The following EBF2 variants were observed in gnomAD, a reference collection of about 807,000 sequenced individuals.
The protein encoded by EBF2 is transcription factor COE2.
A neutral mutation model predicts 72.8 loss-of-function variants in EBF2; 21 were observed. The observed-to-expected ratio is 0.29, with a 90% CI of 0.20 to 0.42. EBF2 has a LOEUF of 0.42. Among genes scored for constraint, EBF2 ranks in the 10% least tolerant of loss-of-function variants. EBF2 has a pLI of 1.00. For synonymous variants in EBF2, 299 were observed against 274.2 expected (o/e 1.09, Z -0.89); for missense variants, 637 against 731.2 (o/e 0.87, Z 1.49).
At chr8:25,913,056 C>A in intron 6 of EBF2, among the ~76,000 whole-genome samples, 1 of 152,150 alleles carries the variant, frequency 6.6e-6, no homozygotes, top group Admixed American at 6.5e-5. Flanking sequence ...AAACCCAGCA[C>A]AATATTTCTC....
At chr8:25,965,973 T>C (rs1054724432) in intron 6 of EBF2, among the ~76,000 whole-genome samples, 5 of 152,170 alleles carry the variant, frequency 3.3e-5, no homozygotes, top group African/African-American at 2.4e-5. Flanking sequence ...CTGCACTCTA[T>C]GAACAAGGAA....
chr8:25,865,022 C>T (rs13263877), intron 10 of EBF2, among the ~76,000 whole-genome samples: 42,588 of 151,826 alleles, frequency 0.28, 6,213 homozygotes, highest in South Asian at 0.39. Flanking sequence ...AGGTTGGTCC[C>T]GAACTCCTGA....
intron 10 of EBF2, among the ~76,000 whole-genome samples, chr8:25,870,060 A>G (rs553764728): frequency 6.6e-6 from 1 of 152,064 alleles, no homozygotes; most frequent in African/African-American, 2.4e-5. Flanking sequence ...CATGATGGGC[A>G]TCCTCCTCAG....
intron 1 of EBF2, among the ~76,000 whole-genome samples, chr8:26,043,099 CTG>C (rs1425694564): frequency 6.6e-6 from 1 of 152,276 alleles, no homozygotes; most frequent in African/African-American, 2.4e-5. Flanking sequence ...AACCCAGTGA[CTG>C]TGAAACCCAA....
chr8:25,906,011 A>G (rs1803025952), intron 7 of EBF2, among the ~76,000 whole-genome samples: 1 of 152,220 alleles, frequency 6.6e-6, no homozygotes, highest in South Asian at 2.1e-4. Context: ...GATCAACAAT[A>G]TTTATTCTAT....
intron 6 of EBF2, among the ~76,000 whole-genome samples, chr8:25,951,119 C>A (rs750793531): frequency 6.6e-6 from 1 of 152,074 alleles, no homozygotes; most frequent in African/African-American, 2.4e-5. Context: ...ATTAATTTTT[C>A]CAGGCAATTA....
chr8:25,973,260 T>C (rs983868053), intron 6 of EBF2, among the ~76,000 whole-genome samples: 1 of 152,150 alleles, frequency 6.6e-6, no homozygotes, highest in African/African-American at 2.4e-5. Flanking sequence ...AAGATATGTA[T>C]TGAGGGATTT....
intron 6 of EBF2, among the ~76,000 whole-genome samples, chr8:25,976,917 G>A (rs921294945): frequency 9.9e-5 from 15 of 152,282 alleles, no homozygotes; most frequent in South Asian, 2.1e-4. Context: ...TAAAAGGAAC[G>A]CTCTGTGCAC....
chr8:25,954,975 C>CA (rs1803920734), intron 6 of EBF2, among the ~76,000 whole-genome samples: 1 of 152,248 alleles, frequency 6.6e-6, no homozygotes, highest in Non-Finnish European at 1.5e-5. Flanking sequence ...TGCGAGGACT[C>CA]AGACGCAGCG....
In EBF2 at chr8:25,843,277, A is replaced by G. The variant is rs936784609; in HGVS notation, c.*1332T>C. On this transcript the variant is annotated 3_prime_UTR_variant, in exon 16 of 16. Coordinates refer to ENST00000520164, the MANE Select transcript of EBF2 (RefSeq NM_022659.4). ...CCCACATTCCGTCTCATTCTTGACT[A>G]GAAACTGTCGAGTGGCATAGCTATG... The G allele has an allele frequency of 1.2e-4, 19 of 152,220 alleles. No homozygotes were observed. Among genetic ancestry groups the G allele is most frequent in the African/African-American group, 4.6e-4 (19 of 41,450 alleles). 9.4% of individuals were successfully genotyped at this position (152,220 alleles called of 1,614,324 possible).
chr8:25,852,497 GA>G (rs1466437040), intron 14 of EBF2, among the ~76,000 whole-genome samples: 3 of 152,074 alleles, frequency 2.0e-5, no homozygotes, highest in African/African-American at 7.2e-5. Context: ...TTTACAATGT[GA>G]ATGAGGCATT....
rs370584688 is a variant in EBF2 at position 25,924,886 on chromosome 8, C to T, written c.552-16331G>A. On this transcript the variant is annotated intron_variant, in intron 6 of 15. Coordinates refer to ENST00000520164, the MANE Select transcript of EBF2 (RefSeq NM_022659.4). ...AGAAGCCAGGTGACACTTAAAGTGC[C>T]TATATAGCTACAACTGTACCCACTG... is the stretch of plus-strand genomic sequence containing the variant. 9.8e-5 allele frequency among the ~76,000 whole-genome samples: 15 copies of T among 152,320 alleles called. No homozygotes were observed. The East Asian group carries it at 1.2e-3, about 12-fold the overall frequency.
chr8:25,969,353 G>A (rs1715406434), intron 6 of EBF2, among the ~76,000 whole-genome samples: 1 of 152,204 alleles, frequency 6.6e-6, no homozygotes. Flanking sequence ...GCTAGAAAGG[G>A]AAGCTGAGAT....
chr8:26,027,202 G>A (rs188436625), intron 6 of EBF2, among the ~76,000 whole-genome samples: 46 of 152,208 alleles, frequency 3.0e-4, no homozygotes, highest in East Asian at 1.9e-3. Flanking sequence ...AAAAGTTTCC[G>A]TCCCACAAAT....
rs1801779452 is a variant in EBF2, at chr8:25,843,860, C to T, written c.*749G>A. On this transcript the variant is annotated 3_prime_UTR_variant, in exon 16 of 16. Transcript: ENST00000520164. The stretch of plus-strand genomic sequence containing the variant: ...GGGGTGCAGGACAGGGGATAAGAAT[C>T]TAGTAAGTAACTGCAGTAATAATCA... 6.6e-6 allele frequency: 1 copy of T among 152,010 alleles called. No homozygotes were observed. The highest frequency in any genetic ancestry group is 2.4e-5 in the African/African-American group (1 of 41,370). 9.4% of individuals were successfully genotyped at this position (152,010 alleles called of 1,614,324 possible). A position where few individuals can be genotyped will look rare whatever the true frequency, so the allele number is the denominator to read the frequency against.
chr8:26,010,532 T>TCA (rs1398983675), intron 6 of EBF2, among the ~76,000 whole-genome samples: 1 of 152,130 alleles, frequency 6.6e-6, no homozygotes, highest in African/African-American at 2.4e-5. Flanking sequence ...AATCAAGCGG[T>TCA]CACCCGTTCC....
intron 13 of EBF2, among the ~76,000 whole-genome samples, chr8:25,859,523 C>A (rs1281042231): frequency 6.6e-6 from 1 of 152,146 alleles, no homozygotes; most frequent in Non-Finnish European, 1.5e-5. Flanking sequence ...CCAGTCTATG[C>A]CTGGGACGGG....
At chr8:25,997,571 C>CAAAAAA (rs11302993) in intron 6 of EBF2, among the ~76,000 whole-genome samples, 10 of 130,186 alleles carry the variant, frequency 7.7e-5, no homozygotes, top group Non-Finnish European at 9.6e-5. Flanking sequence ...GATCCTATCT[C>CAAAAAA]AAAAAAAAAA....
intron 15 of EBF2, among the ~76,000 whole-genome samples, chr8:25,847,842 C>T (rs1029952131): frequency 4.6e-5 from 7 of 152,070 alleles, no homozygotes; most frequent in Admixed American, 1.3e-4. Flanking sequence ...TGCCCTAAAT[C>T]GACAGGTAGT....
Sources: allele counts gnomAD v4.1 joint callset (sites outside exome capture counted in the v4.1 genomes callset), GRCh38; gene constraint gnomAD v4.1.1; transcripts MANE v1.5; gene names NCBI Gene and HGNC (gene_info 2026-07-23, HGNC 2026-07-21).